LNPEP: variants seen among roughly 807,000 people sequenced by gnomAD.
The protein encoded by LNPEP is leucyl and cystinyl aminopeptidase.
Under a neutral mutation model 120.6 loss-of-function variants are expected in LNPEP, and 64 were observed. The observed-to-expected ratio is 0.53, with a 90% CI of 0.43 to 0.65. LNPEP has a LOEUF of 0.65. Ranked by LOEUF, LNPEP falls within the 30% of genes least tolerant of loss-of-function variation. The pLI, the probability that LNPEP is intolerant of heterozygous loss-of-function variation, is 0.00. For synonymous variants in LNPEP, 435 were observed against 425.4 expected (o/e 1.02, Z -0.28); for missense variants, 1,057 against 1,200.0 (o/e 0.88, Z 1.76).
chr5:97,033,920 A>G lies in LNPEP; in HGVS notation c.*5387A>G, dbSNP rs951441715. The G allele has an allele frequency of 6.6e-6, 1 of 152,130 alleles. No individual in the cohort carries two copies. Among genetic ancestry groups the G allele is most frequent in the African/African-American group, 2.4e-5 (1 of 41,422 alleles). 9.4% of individuals were successfully genotyped at this position (152,130 alleles called of 1,614,324 possible). A position where few individuals can be genotyped will look rare whatever the true frequency, so the allele number is the denominator to read the frequency against. ...TTTAATGTATATGGGCAATAATTTT[A>G]AAGTAGTTTGGATTTTTTTAAGTTT... On this transcript the variant is annotated 3_prime_UTR_variant, in exon 18 of 18. Coordinates refer to ENST00000231368, the MANE Select transcript of LNPEP (RefSeq NM_005575.3).
chr5:96,949,701 G>A (rs981084382), intron 1 of LNPEP, among the ~76,000 whole-genome samples: 3 of 152,104 alleles, frequency 2.0e-5, no homozygotes, highest in Admixed American at 6.6e-5. Context: ...TTGTTCAGCC[G>A]AAAAACATTA....
intron 1 of LNPEP, among the ~76,000 whole-genome samples, chr5:96,945,469 C>A (rs1393910553): frequency 2.7e-5 from 4 of 150,304 alleles, no homozygotes; most frequent in African/African-American, 9.8e-5. Context: ...ACACAAGAGA[C>A]AGCTTTGCAG....
At position 96,998,037 on chromosome 5, in the gene LNPEP, A is replaced by G; in HGVS notation, c.1545A>G (p.Arg515=). ...LSSYEDFLDA[R]FKTMKKDSLN... ...AGTATGAAGATTTCTTAGATGCTCGATTTAAAACCATGAAGAAAGATTCCT... is the reference window on the plus strand; with the variant it reads ...AGTATGAAGATTTCTTAGATGCTCGGTTTAAAACCATGAAGAAAGATTCCT... The change falls in exon 8 of 18, where the codon CGA becomes CGG. Residue 515 remains arginine (R), a synonymous_variant. Transcript: ENST00000231368. 1 of 1,580,950 alleles carries G rather than the reference A, an allele frequency of 6.3e-7. No individual in the cohort carries two copies. The highest frequency in any genetic ancestry group is 1.1e-5 in the South Asian group (1 of 88,282).
intron 4 of LNPEP, among the ~76,000 whole-genome samples, chr5:96,986,886 T>C (rs1790256434): frequency 6.6e-6 from 1 of 152,212 alleles, no homozygotes; most frequent in Non-Finnish European, 1.5e-5. Flanking sequence ...TTAAAAAATT[T>C]TACTTTTAAA....
chr5:97,004,822 T>C (rs935999603), intron 9 of LNPEP, among the ~76,000 whole-genome samples: 1 of 152,208 alleles, frequency 6.6e-6, no homozygotes, highest in African/African-American at 2.4e-5. Flanking sequence ...TTTTTTCCTC[T>C]GATCATATAG....
Position 97,003,441 on chromosome 5 carries a change from A to C in LNPEP, c.1680A>C (p.Lys560Asn). 6.3e-7 allele frequency: 1 copy of C among 1,584,328 alleles called. No individual in the cohort carries two copies. Residue 560 changes from lysine (K) to asparagine (N), a missense_variant, in exon 9 of 18, where the codon AAA (lysine) becomes AAC (asparagine). Physicochemically the swap from Lys to Asn is moderately conservative, Grantham distance 94. Coordinates refer to ENST00000231368, the MANE Select transcript of LNPEP (RefSeq NM_005575.3). Reference protein sequence around the residue: ...FKGSSLLLMLKTYLSEDVFQH... With the variant: ...FKGSSLLLMLNTYLSEDVFQH... ...GATCTTCTCTCTTGTTGATGTTGAA[A>C]ACTTACCTTAGTGAAGATGTGTTTC...
At chr5:96,944,346 A>G (rs1789131450) in intron 1 of LNPEP, among the ~76,000 whole-genome samples, 1 of 152,156 alleles carries the variant, frequency 6.6e-6, no homozygotes, top group Non-Finnish European at 1.5e-5. Flanking sequence ...CCCAAAGCAC[A>G]GTCTCAAGAA....
chr5:96,996,520 T>A lies in LNPEP; in HGVS notation c.1521+17T>A, dbSNP rs1333287389. On this transcript the variant is annotated intron_variant, in intron 7 of 17. Transcript: ENST00000231368. ...CTTTCTAGTGTAAGTACAGGGTTTC[T>A]TTGGCCTACTATGAATGCTAGGAGG... 6 of 1,277,994 alleles carry A rather than the reference T, an allele frequency of 4.7e-6. No individual in the cohort carries two copies. In the East Asian group the frequency reaches 1.4e-4, roughly 30 times the overall value. 79.2% of individuals were successfully genotyped at this position (1,277,994 alleles called of 1,614,324 possible).
At chr5:96,995,233 A>G (rs754177249) in intron 6 of LNPEP, among the ~76,000 whole-genome samples, 7 of 152,190 alleles carry the variant, frequency 4.6e-5, no homozygotes, top group Non-Finnish European at 8.8e-5. Context: ...CTTAGAAATC[A>G]TCTTCCTCTG....
chr5:96,977,531 C>T (rs1438399904), intron 1 of LNPEP, among the ~76,000 whole-genome samples: 2 of 151,960 alleles, frequency 1.3e-5, no homozygotes, highest in Non-Finnish European at 2.9e-5. Context: ...ACGTGAGCAC[C>T]CGAGGATTTG....
intron 1 of LNPEP, among the ~76,000 whole-genome samples, chr5:96,964,418 C>T (rs572945374): frequency 2.4e-4 from 36 of 151,996 alleles, no homozygotes; most frequent in Admixed American, 7.9e-4. Context: ...GACCAGTTAA[C>T]CTTCTTATTT....
At chr5:97,020,457 G>A (rs539462602) in intron 13 of LNPEP, among the ~76,000 whole-genome samples, 2 of 151,696 alleles carry the variant, frequency 1.3e-5, no homozygotes, top group South Asian at 4.3e-4. Context: ...GGTATCTGTT[G>A]AATTTTTTTC....
At chr5:96,984,768 C>T (rs1790203339) in intron 2 of LNPEP, among the ~76,000 whole-genome samples, 1 of 152,162 alleles carries the variant, frequency 6.6e-6, no homozygotes, top group Non-Finnish European at 1.5e-5. Context: ...TACTTTCTTC[C>T]CTTCTTCACC....
intron 12 of LNPEP, among the ~76,000 whole-genome samples, chr5:97,014,392 A>C (rs545578807): frequency 6.6e-6 from 1 of 152,130 alleles, no homozygotes; most frequent in South Asian, 2.1e-4. Flanking sequence ...GGGCATTTCC[A>C]TTTTGTCTCG....
chr5:96,947,177 A>C (rs1424426751), intron 1 of LNPEP, among the ~76,000 whole-genome samples: 7 of 152,210 alleles, frequency 4.6e-5, no homozygotes, highest in Non-Finnish European at 1.0e-4. Context: ...AATGTAAATT[A>C]CTTTATATTG....
At chr5:96,996,768 T>C (rs1228643480) in intron 7 of LNPEP, among the ~76,000 whole-genome samples, 3 of 152,242 alleles carry the variant, frequency 2.0e-5, no homozygotes, top group Admixed American at 2.0e-4. Context: ...TTAAATTGTT[T>C]TGCAACATTT....
chr5:96,947,884 C>G (rs1789224885), intron 1 of LNPEP, among the ~76,000 whole-genome samples: 1 of 152,080 alleles, frequency 6.6e-6, no homozygotes, highest in Non-Finnish European at 1.5e-5. Flanking sequence ...TAATAGGATT[C>G]AAATCTACCT....
chr5:96,975,017 A>G (rs1268687775), intron 1 of LNPEP, among the ~76,000 whole-genome samples: 1 of 152,122 alleles, frequency 6.6e-6, no homozygotes, highest in Non-Finnish European at 1.5e-5. Flanking sequence ...GGAAACCTGA[A>G]TCTTCCACCC....
At chr5:96,984,349 A>T (rs1211240173) in intron 2 of LNPEP, among the ~76,000 whole-genome samples, 2 of 152,218 alleles carry the variant, frequency 1.3e-5, no homozygotes, top group Non-Finnish European at 2.9e-5. Flanking sequence ...CTAAGGTCCG[A>T]GTCTTGAAGA....
Sources: gnomAD v4.1 joint callset for allele counts (sites outside exome capture counted in the v4.1 genomes callset) on GRCh38, gnomAD v4.1.1 for gene constraint, MANE v1.5 for transcripts, NCBI Gene and HGNC (gene_info 2026-07-23, HGNC 2026-07-21) for gene names.